The following FBXO38 variants were observed in gnomAD, a reference collection of about 807,000 sequenced individuals.
The protein encoded by FBXO38 is F-box protein 38.
In FBXO38, 53 loss-of-function variants were observed where a neutral mutation model predicts 131.9. The ratio of observed to expected loss-of-function variants is 0.40; its 90% confidence interval spans 0.32 to 0.51. The LOEUF (loss-of-function observed/expected upper bound fraction) is 0.51, where lower values mean the gene tolerates loss of function less well. Ranked by LOEUF, FBXO38 falls within the 20% of genes least tolerant of loss-of-function variation. The pLI, the probability that FBXO38 is intolerant of heterozygous loss-of-function variation, is 0.53. For synonymous variants in FBXO38, 452 were observed against 505.6 expected (o/e 0.89, Z 1.42); for missense variants, 1,076 against 1,475.6 (o/e 0.73, Z 4.44).
intron 12 of FBXO38, among the ~76,000 whole-genome samples, chr5:148,422,047 C>CT (rs35962676): frequency 0.25 from 35,943 of 145,200 alleles, 4,274 homozygotes; most frequent in South Asian, 0.29. Flanking sequence ...AGACCTTTCT[C>CT]TTTTTTTTTT....
rs1437702351 is a variant in FBXO38 at position 148,442,255 on chromosome 5, G to C, written c.*108G>C. 2.1e-6 allele frequency: 2 copies of C among 959,000 alleles called. No homozygotes were observed. Among genetic ancestry groups the C allele is most frequent in the Non-Finnish European group, 3.2e-6 (2 of 628,230 alleles). 59.4% of individuals were successfully genotyped at this position (959,000 alleles called of 1,614,324 possible). A position where few individuals can be genotyped will look rare whatever the true frequency, so the allele number is the denominator to read the frequency against. Reference sequence around the variant, plus strand: ...GCATGCAGTTGGGAGGTCCTGGCTCGGTTTGCTATATAGGGAATATATAAG... The same window carrying C: ...GCATGCAGTTGGGAGGTCCTGGCTCCGTTTGCTATATAGGGAATATATAAG... On this transcript the variant is annotated 3_prime_UTR_variant, in exon 22 of 22. Coordinates refer to ENST00000340253, the MANE Select transcript of FBXO38 (RefSeq NM_205836.3).
In FBXO38 at chr5:148,440,473, G is replaced by C; in HGVS notation, c.3220G>C (p.Asp1074His). ...CCCTGAAGCCACTCGAAGTGAAGAA[G>C]ACTTAAAGAAATACCCCAAGTACCC... is the stretch of plus-strand genomic sequence containing the variant. ...FFPEATRSEE[D>H]LKKYPKYPWG... The change falls in exon 20 of 22, where the codon GAC becomes CAC. Residue 1074 changes from aspartate to histidine, a missense_variant. Physicochemically the swap from Asp to His is moderately conservative, Grantham distance 81 (BLOSUM62 -1). Coordinates refer to ENST00000340253, the MANE Select transcript of FBXO38 (RefSeq NM_205836.3). 1 of 1,612,698 alleles carries C rather than the reference G, an allele frequency of 6.2e-7. No homozygotes were observed. The highest frequency in any genetic ancestry group is 8.5e-7 in the Non-Finnish European group (1 of 1,178,912).
chr5:148,414,847 C>T (rs1752961738), intron 10 of FBXO38, among the ~76,000 whole-genome samples: 1 of 152,132 alleles, frequency 6.6e-6, no homozygotes, highest in African/African-American at 2.4e-5. Context: ...ATTTTCCTCT[C>T]AGAGTAATGT....
intron 9 of FBXO38, 197 bp downstream of exon 9, chr5:148,410,962 A>G (rs762986360): frequency 4.0e-5 from 21 of 529,488 alleles, no homozygotes; most frequent in Non-Finnish European, 6.8e-5. Flanking sequence ...TGATTTTAGC[A>G]TATTATAGAA....
rs115032270 is a variant in FBXO38, at chr5:148,396,910, G to A, written c.128+2006G>A. Among the ~76,000 whole-genome samples the A allele has an allele frequency of 7.2e-3, 1,092 of 152,064 alleles. 5 individuals carry two copies. Among genetic ancestry groups the A allele is most frequent in the Non-Finnish European group, 0.011 (766 of 67,978 alleles). On this transcript the variant is annotated intron_variant, in intron 2 of 21. Coordinates refer to ENST00000340253, the MANE Select transcript of FBXO38 (RefSeq NM_205836.3). ...CATACACCACCACACCTGGCCATTG[G>A]ACCATAATCTAAATTGAAAATAGAT...
In FBXO38 at chr5:148,402,437, T is replaced by C; in HGVS notation, c.516T>C (p.Asn172=). 6.2e-7 allele frequency: 1 copy of C among 1,613,220 alleles called. No homozygotes were observed. The highest frequency in any genetic ancestry group is 8.5e-7 in the Non-Finnish European group (1 of 1,179,440). The change falls in exon 5 of 22, where the codon AAT becomes AAC. Residue 172 remains asparagine (N), a synonymous_variant. Coordinates refer to ENST00000340253, the MANE Select transcript of FBXO38 (RefSeq NM_205836.3). ...TTTTGGGGAAATTTCGTAATCGTAA[T>C]GGAGCTTTTCCAATTCCTCCTGAAA... ...VHILGKFRNR[N]GAFPIPPENK... is the part of the protein sequence containing the mutation.
chr5:148,416,328 G>A (rs1753050783), intron 11 of FBXO38, among the ~76,000 whole-genome samples: 1 of 152,096 alleles, frequency 6.6e-6, no homozygotes, highest in Non-Finnish European at 1.5e-5. Flanking sequence ...TAAACAAAAG[G>A]TAAGGTAAGG....
chr5:148,438,250 T>C, intron 17 of FBXO38, 82 bp from the exon 18 acceptor site: 1 of 1,180,032 alleles, frequency 8.5e-7, no homozygotes, highest in Middle Eastern at 2.0e-4. Context: ...TGTTTGTTAC[T>C]GCAGTATTTT....
intron 12 of FBXO38, among the ~76,000 whole-genome samples, chr5:148,420,977 T>C (rs1025120555): frequency 9.2e-5 from 14 of 151,880 alleles, no homozygotes; most frequent in South Asian, 6.2e-4. Context: ...ATTTTTTTTT[T>C]TTTTCTTGAG....
At chr5:148,433,106 G>T in intron 15 of FBXO38, 1 of 218,440 alleles carries the variant, frequency 4.6e-6, no homozygotes, top group South Asian at 7.5e-5. Context: ...TAGTAGGAAA[G>T]ATAGGAGTTC....
At chr5:148,401,600 A>T (rs1018314530) in intron 3 of FBXO38, among the ~76,000 whole-genome samples, 3 of 152,128 alleles carry the variant, frequency 2.0e-5, no homozygotes, top group African/African-American at 7.2e-5. Flanking sequence ...GGTTTTACAG[A>T]CGAGAGTACC....
In FBXO38 at chr5:148,399,024, T is replaced by A. The variant is rs1317640023; in HGVS notation, c.154T>A (p.Cys52Ser). 1.2e-6 allele frequency: 2 copies of A among 1,613,358 alleles called. No individual in the cohort carries two copies. The highest frequency in any genetic ancestry group is 3.3e-5 in the Admixed American group (2 of 59,940). Residue 52 changes from cysteine (C) to serine (S), a missense_variant, in exon 3 of 22, where the codon TGT becomes AGT. Physicochemically the swap from Cys to Ser is moderately radical, Grantham distance 112. Around this residue, in one of 8 missense-constraint regions of FBXO38, gnomAD observed 96 missense variants for 193.9 expected, o/e 0.50. Coordinates refer to ENST00000340253, the MANE Select transcript of FBXO38 (RefSeq NM_205836.3). ...FRYLPLQDIM[C>S]MECLSRKLKE... is the part of the protein sequence containing the mutation. ...GTACCTCCCTCTGCAGGATATCATG[T>A]GTATGGAATGTCTTTCCCGGAAGCT...
chr5:148,419,997 A>T (rs1349865194), intron 12 of FBXO38, among the ~76,000 whole-genome samples: 1 of 151,298 alleles, frequency 6.6e-6, no homozygotes, highest in East Asian at 1.9e-4. Context: ...TATTATCTTA[A>T]GTTTGTATTT....
chr5:148,394,768 T>C lies in FBXO38; in HGVS notation c.-9T>C. ...AGATTTTCTCGTTGATACTGGAGAC[T>C]GCACAACAATGGGGCCACGAAAGAA... is the stretch of plus-strand genomic sequence containing the variant. On this transcript the variant is annotated 5_prime_UTR_variant, in exon 2 of 22. Coordinates refer to ENST00000340253, the MANE Select transcript of FBXO38 (RefSeq NM_205836.3). The C allele has an allele frequency of 3.2e-6, 5 of 1,552,310 alleles. No individual in the cohort carries two copies. The highest frequency in any genetic ancestry group is 4.3e-6 in the Non-Finnish European group (5 of 1,150,950).
chr5:148,410,885 C>A, intron 9 of FBXO38, 120 bp downstream of exon 9: 2 of 844,284 alleles, frequency 2.4e-6, no homozygotes, highest in Non-Finnish European at 3.6e-6. Flanking sequence ...ATCTTAGGTG[C>A]TCTCACGTCT....
Position 148,416,170 on chromosome 5 carries a change from ACGGTGTTACAGT to A in FBXO38, c.1407+104_1407+115del, listed in dbSNP as rs539726205. On this transcript the variant is annotated intron_variant, in intron 11 of 21. Transcript: ENST00000340253. The stretch of plus-strand genomic sequence containing the variant: ...TTTTTCTTTTCAATGATATGCCTTT[ACGGTGTTACAGT>A]CGGACTTTTTACTGCCAGCCTCAGT... 4.7e-5 allele frequency: 57 copies of A among 1,209,344 alleles called. No individual in the cohort carries two copies. In the South Asian group the frequency reaches 9.4e-4, roughly 20 times the overall value. 74.9% of individuals were successfully genotyped at this position (1,209,344 alleles called of 1,614,324 possible).
intron 15 of FBXO38, among the ~76,000 whole-genome samples, chr5:148,429,947 G>C (rs1257017830): frequency 1.3e-5 from 2 of 151,426 alleles, no homozygotes; most frequent in Non-Finnish European, 2.9e-5. Context: ...TTTTCAATTT[G>C]AGAAGACTTC....
chr5:148,387,694 T>C (rs780861578), intron 1 of FBXO38, among the ~76,000 whole-genome samples: 2,069 of 147,178 alleles, frequency 0.014, 23 homozygotes, highest in Non-Finnish European at 0.024. Context: ...TTATTTCTTT[T>C]TTTTTTTTTT....
chr5:148,397,629 A>T (rs551281664), intron 2 of FBXO38: 1 of 152,278 alleles, frequency 6.6e-6, no homozygotes, highest in African/African-American at 2.4e-5. Flanking sequence ...GGGTAAGAAG[A>T]GGGACGAGAA....
Sources: gnomAD v4.1 joint callset for allele counts (sites outside exome capture counted in the v4.1 genomes callset) on GRCh38, gnomAD v4.1.1 for gene constraint, gnomAD v4.1.1 regional missense constraint, MANE v1.5 for transcripts, NCBI Gene and HGNC (gene_info 2026-07-23, HGNC 2026-07-21) for gene names.